Variants in ABCB11 observed in about 807,000 individuals in gnomAD.
ABCB11 encodes ATP binding cassette subfamily B member 11, also known as bile salt export pump.
Under a neutral mutation model 148.0 loss-of-function variants are expected in ABCB11, and 95 were observed. The observed-to-expected ratio is 0.64, with a 90% CI of 0.54 to 0.76. ABCB11 has a LOEUF of 0.76. Among genes scored for constraint, ABCB11 ranks in the 30% least tolerant of loss-of-function variants. ABCB11 has a pLI of 0.00. For synonymous variants in ABCB11, 591 were observed against 555.4 expected (o/e 1.06, Z -0.90); for missense variants, 1,523 against 1,617.8 (o/e 0.94, Z 1.01).
chr2:168,975,153 A>G (rs1423198778), intron 12 of ABCB11, among the ~76,000 whole-genome samples: 3 of 49,490 alleles, frequency 6.1e-5, no homozygotes, highest in African/African-American at 2.1e-4. Flanking sequence ...ATAGATAAAT[A>G]TATAATAAAT....
In ABCB11 at chr2:168,944,786, A is replaced by C; in HGVS notation, c.2449-20T>G. 6.2e-7 allele frequency: 1 copy of C among 1,610,904 alleles called. No individual in the cohort carries two copies. Among genetic ancestry groups the C allele is most frequent in the African/African-American group, 1.3e-5 (1 of 74,738 alleles). On this transcript the variant is annotated intron_variant, in intron 20 of 27. Coordinates refer to ENST00000650372, the MANE Select transcript of ABCB11 (RefSeq NM_003742.4). ...ATATCCCTAAAACATGAAGAGGGAG[A>C]TGTTAGAGAAATTTTAATGAGAAAA...
At chr2:168,948,527 C>T (rs897163652) in intron 19 of ABCB11, among the ~76,000 whole-genome samples, 4 of 151,322 alleles carry the variant, frequency 2.6e-5, no homozygotes, top group African/African-American at 4.9e-5. Flanking sequence ...TTATCTTCCT[C>T]ACAGACTGAA....
chr2:168,918,436 T>A (rs1188559768), downstream of ABCB11, among the ~76,000 whole-genome samples: 5 of 152,194 alleles, frequency 3.3e-5, no homozygotes, highest in African/African-American at 1.2e-4. Context: ...CATACAAGTA[T>A]GTACAAGCAC....
chr2:168,933,817 T>C (rs908785405), intron 23 of ABCB11, among the ~76,000 whole-genome samples: 4 of 152,220 alleles, frequency 2.6e-5, no homozygotes, highest in African/African-American at 9.7e-5. Context: ...TGATCTCAGC[T>C]CACTGTAGCC....
intron 14 of ABCB11, among the ~76,000 whole-genome samples, chr2:168,970,759 T>C (rs1175277259): frequency 1.3e-5 from 2 of 152,022 alleles, no homozygotes; most frequent in East Asian, 1.9e-4. Context: ...CTAACCAACA[T>C]GAATTGAGCC....
At chr2:168,996,612 A>C (rs376951925) in intron 6 of ABCB11, 23 bp downstream of exon 6, 112 of 1,386,472 alleles carry the variant, frequency 8.1e-5, no homozygotes, top group Non-Finnish European at 1.0e-4. Flanking sequence ...TTGATCTATA[A>C]ATTATACGGA....
intron 1 of ABCB11, among the ~76,000 whole-genome samples, chr2:169,027,398 C>T (rs78095870): frequency 0.024 from 3,642 of 152,274 alleles, 122 homozygotes; most frequent in African/African-American, 0.081. Flanking sequence ...ACACTATATG[C>T]GCTTCTGTTT....
At chr2:168,945,087 C>A in intron 19 of ABCB11, 126 bp from the exon 20 acceptor site, 1 of 641,042 alleles carries the variant, frequency 1.6e-6, no homozygotes. Flanking sequence ...AAATATACAA[C>A]ACCAAGAGTG....
chr2:168,923,570 A>T lies in ABCB11; in HGVS notation c.*52T>A. 6.4e-7 allele frequency: 1 copy of T among 1,571,336 alleles called. No homozygotes were observed. Among genetic ancestry groups the T allele is most frequent in the South Asian group, 1.1e-5 (1 of 89,564 alleles). On this transcript the variant is annotated 3_prime_UTR_variant, in exon 28 of 28. Transcript: ENST00000650372. ...CTGCTGGGATTGTTTTTTTCTTTAA[A>T]AACAACCCCTGTAACTGGTGCGTCA... is the stretch of plus-strand genomic sequence containing the variant.
intron 19 of ABCB11, 51 bp from the exon 20 acceptor site, chr2:168,945,012 A>G: frequency 8.0e-7 from 1 of 1,255,686 alleles, no homozygotes; most frequent in South Asian, 1.4e-5. Flanking sequence ...TAGAAAAATA[A>G]ATCTATTTAC....
chr2:169,019,932 A>T (rs1695488008), intron 1 of ABCB11, among the ~76,000 whole-genome samples: 1 of 152,202 alleles, frequency 6.6e-6, no homozygotes, highest in Admixed American at 6.5e-5. Context: ...AGACCTGCAT[A>T]AAACAACAAC....
intron 5 of ABCB11, among the ~76,000 whole-genome samples, chr2:169,012,937 A>G (rs1258511100): frequency 2.0e-5 from 3 of 151,976 alleles, no homozygotes; most frequent in Non-Finnish European, 4.4e-5. Flanking sequence ...GAACTCTTGG[A>G]GATGATACTC....
At chr2:168,929,824 G>C (rs892873620) in intron 25 of ABCB11, among the ~76,000 whole-genome samples, 2 of 152,062 alleles carry the variant, frequency 1.3e-5, no homozygotes, top group Non-Finnish European at 2.9e-5. Flanking sequence ...GCAAAAGGAG[G>C]GAGTGGTGAG....
Position 168,986,266 on chromosome 2 carries a change from C to A in ABCB11, c.927G>T (p.Val309=). 6.2e-7 allele frequency: 1 copy of A among 1,612,684 alleles called. No individual in the cohort carries two copies. The highest frequency in any genetic ancestry group is 2.2e-5 in the East Asian group (1 of 44,838). ...REVERYEKNL[V]FAQRWGIRKG... ...TTCTAATTCCCCAACGCTGGGCGAA[C>A]ACAAGATTTTTCTCATACCTGTGAA... The change falls in exon 10 of 28, where the codon GTG becomes GTT. Residue 309 remains valine, a synonymous_variant. Coordinates refer to ENST00000650372, the MANE Select transcript of ABCB11 (RefSeq NM_003742.4).
Position 168,969,497 on chromosome 2 carries a change from C to T in ABCB11, c.1864G>A (p.Ala622Thr). ...SVAHRLSTVR[A>T]ADTIIGFEHG... ...TCAAAACCAATGATGGTATCTGCAG[C>T]TCTGACCGTAGACAAGCGATGAGCA... The change falls in exon 16 of 28, where the codon GCT (alanine) becomes ACT (threonine). Residue 622 changes from alanine (A) to threonine (T), a missense_variant. Transcript: ENST00000650372. 6.2e-7 allele frequency: 1 copy of T among 1,612,590 alleles called. No homozygotes were observed. Among genetic ancestry groups the T allele is most frequent in the South Asian group, 1.1e-5 (1 of 91,014 alleles).
Position 168,932,500 on chromosome 2 carries a change from AGCTGTT to A in ABCB11, c.3084_3089del (p.Thr1029_Ala1030del). ...GGGTGTAAGAGAAGGCTCTTCCAAG[AGCTGTT>A]GCACTCAGTACAACTGCAGAGATCA... On this transcript the variant is annotated inframe_deletion, in exon 24 of 28. Transcript: ENST00000650372. 1 of 1,613,752 alleles carries A rather than the reference AGCTGTT, an allele frequency of 6.2e-7. No homozygotes were observed. Among genetic ancestry groups the A allele is most frequent in the Non-Finnish European group, 8.5e-7 (1 of 1,179,798 alleles).
intron 11 of ABCB11, among the ~76,000 whole-genome samples, chr2:168,977,110 A>T (rs1693941782): frequency 6.7e-6 from 1 of 148,618 alleles, no homozygotes; most frequent in African/African-American, 2.4e-5. Context: ...TAATACATAT[A>T]TAATACATAT....
intron 5 of ABCB11, among the ~76,000 whole-genome samples, chr2:168,998,953 GA>G (rs1694796339): frequency 6.6e-6 from 1 of 152,082 alleles, no homozygotes; most frequent in African/African-American, 2.4e-5. Context: ...TGACAGGAAG[GA>G]AAAGAGCAGG....
intron 5 of ABCB11, among the ~76,000 whole-genome samples, chr2:169,002,063 AAGAT>A (rs1428312221): frequency 2.0e-5 from 3 of 152,244 alleles, no homozygotes; most frequent in Admixed American, 1.3e-4. Flanking sequence ...TTGAAACAAA[AAGAT>A]AGAAAAACAA....
Sources: gnomAD v4.1 joint callset for allele counts (sites outside exome capture counted in the v4.1 genomes callset) on GRCh38, gnomAD v4.1.1 for gene constraint, MANE v1.5 for transcripts, NCBI Gene and HGNC (gene_info 2026-07-23, HGNC 2026-07-21) for gene names.